Variants in IPCEF1 observed in about 807,000 individuals in gnomAD.
IPCEF1 encodes the protein interactor protein for cytohesin exchange factors 1.
A neutral mutation model predicts 50.9 loss-of-function variants in IPCEF1; 31 were observed. That is an observed-to-expected ratio of 0.61 (90% CI 0.46 to 0.82). IPCEF1 has a LOEUF of 0.82. Among genes scored for constraint, IPCEF1 ranks in the 40% least tolerant of loss-of-function variants. The probability of loss-of-function intolerance (pLI) is 0.00; values close to 1 mark genes in which losing one functional copy is unlikely to be tolerated. For synonymous variants in IPCEF1, 181 were observed against 192.0 expected (o/e 0.94, Z 0.47); for missense variants, 458 against 514.0 (o/e 0.89, Z 1.05).
chr6:154,170,351 G>A (rs1405821611), intron 10 of IPCEF1, among the ~76,000 whole-genome samples: 1 of 152,134 alleles, frequency 6.6e-6, no homozygotes, highest in Non-Finnish European at 1.5e-5. Flanking sequence ...CCATAGGGTG[G>A]AGAAAAGCAT....
At chr6:154,303,208 C>T (rs1292816893) in intron 1 of IPCEF1, among the ~76,000 whole-genome samples, 1 of 151,448 alleles carries the variant, frequency 6.6e-6, no homozygotes, top group Non-Finnish European at 1.5e-5. Context: ...TCTCCTGCCT[C>T]AGCCTCCTGA....
intron 10 of IPCEF1, among the ~76,000 whole-genome samples, chr6:154,181,670 G>C (rs1337268050): frequency 1.3e-5 from 2 of 152,144 alleles, no homozygotes; most frequent in East Asian, 3.9e-4. Flanking sequence ...TCCCCACCCG[G>C]AGCCTCTGCT....
At chr6:154,211,674 G>T (rs1777975365) in intron 9 of IPCEF1, among the ~76,000 whole-genome samples, 1 of 152,138 alleles carries the variant, frequency 6.6e-6, no homozygotes, top group South Asian at 2.1e-4. Flanking sequence ...AAGAACATGT[G>T]TTTACAAAGA....
intron 5 of IPCEF1, among the ~76,000 whole-genome samples, chr6:154,237,096 TAGA>T: frequency 6.6e-6 from 1 of 152,204 alleles, no homozygotes; most frequent in East Asian, 1.9e-4. Flanking sequence ...AGCTTGTCTG[TAGA>T]AGAAGCAGCT....
At position 154,299,437 on chromosome 6, in the gene IPCEF1, G is replaced by A. The variant is rs1470546529; in HGVS notation, c.-61-9681C>T. Among the ~76,000 whole-genome samples, 2 of 141,782 alleles carry A rather than the reference G, an allele frequency of 1.4e-5. 1 individual carries two copies. The highest frequency in any genetic ancestry group is 3.2e-5 in the Non-Finnish European group (2 of 63,132). The allele number at this position is 141,782 out of a possible 152,430, so 93.0% of individuals were successfully genotyped here. A position where few individuals can be genotyped will look rare whatever the true frequency, so the allele number is the denominator to read the frequency against. ...CATATATATCATGGAATACTACGCA[G>A]TCATAAAAAGGAATGAGATCATGTC... On this transcript the variant is annotated intron_variant, in intron 1 of 11. Coordinates refer to ENST00000367220, the MANE Select transcript of IPCEF1 (RefSeq NM_001130700.2).
intron 2 of IPCEF1, among the ~76,000 whole-genome samples, chr6:154,285,990 C>T (rs1378928994): frequency 6.6e-6 from 1 of 152,198 alleles, no homozygotes; most frequent in African/African-American, 2.4e-5. Flanking sequence ...TCACATAAAA[C>T]TTCACAATAT....
intron 7 of IPCEF1, among the ~76,000 whole-genome samples, chr6:154,218,769 C>G (rs927111714): frequency 6.6e-6 from 1 of 152,160 alleles, no homozygotes; most frequent in African/African-American, 2.4e-5. Flanking sequence ...CAGGCCCAGA[C>G]AAAATGGACC....
At chr6:154,181,002 G>C (rs1470972360) in intron 10 of IPCEF1, among the ~76,000 whole-genome samples, 1 of 152,038 alleles carries the variant, frequency 6.6e-6, no homozygotes, top group East Asian at 1.9e-4. Flanking sequence ...AGTCATTTGG[G>C]TATTTTGCAT....
Position 154,273,542 on chromosome 6 carries a change from T to C in IPCEF1, c.-17-7578A>G, listed in dbSNP as rs964168052. Among the ~76,000 whole-genome samples the C allele has an allele frequency of 7.2e-5, 11 of 152,182 alleles. 1 individual carries two copies. The South Asian group carries it at 2.3e-3, about 32-fold the overall frequency. On this transcript the variant is annotated intron_variant, in intron 2 of 11. Coordinates refer to ENST00000367220, the MANE Select transcript of IPCEF1 (RefSeq NM_001130700.2). Reference sequence around the variant, plus strand: ...GCCAATTAGTAGGAGATTTCACCTGTCAAGGCAAAGCAGGAGAGAAGGAAG... The same window carrying C: ...GCCAATTAGTAGGAGATTTCACCTGCCAAGGCAAAGCAGGAGAGAAGGAAG...
In IPCEF1 at chr6:154,160,177, C is replaced by G. The variant is rs532780584; in HGVS notation, c.1105-137G>C. The stretch of plus-strand genomic sequence containing the variant: ...ATTTTTGCACGTTAATGTTCTAATT[C>G]CAGCATTAAGCTTAAGAAATACGAC... On this transcript the variant is annotated intron_variant, in intron 11 of 11. Transcript: ENST00000367220. The G allele has an allele frequency of 1.4e-5, 10 of 694,250 alleles. 1 individual carries two copies. The Admixed American group carries it at 3.2e-4, about 22-fold the overall frequency. 43.0% of individuals were successfully genotyped at this position (694,250 alleles called of 1,614,324 possible). A position where few individuals can be genotyped will look rare whatever the true frequency, so the allele number is the denominator to read the frequency against.
At chr6:154,166,390 C>A (rs528705042) in intron 11 of IPCEF1, among the ~76,000 whole-genome samples, 1 of 152,330 alleles carries the variant, frequency 6.6e-6, no homozygotes, top group African/African-American at 2.4e-5. Flanking sequence ...ACTAATGACT[C>A]AAACTGCACA....
Position 154,263,857 on chromosome 6 carries a change from G to A in IPCEF1, c.36+2055C>T, listed in dbSNP as rs1209951439. ...GCGCCCCTCACCTCCCGGACGGGGC[G>A]GCTGGCCGGGCGGGGGGCTGACCCC... On this transcript the variant is annotated intron_variant, in intron 3 of 11. Coordinates refer to ENST00000367220, the MANE Select transcript of IPCEF1 (RefSeq NM_001130700.2). 4.4e-5 allele frequency among the ~76,000 whole-genome samples: 2 copies of A among 45,328 alleles called. 1 individual carries two copies. The highest frequency in any genetic ancestry group is 9.3e-5 in the Non-Finnish European group (2 of 21,524). 29.7% of individuals were successfully genotyped at this position (45,328 alleles called of 152,430 possible).
rs146117138 is a variant in IPCEF1, at chr6:154,209,250, T to C, written c.537+3520A>G. Among the ~76,000 whole-genome samples the C allele has an allele frequency of 1.9e-4, 29 of 152,356 alleles. No individual in the cohort carries two copies. The East Asian group carries it at 5.6e-3, about 29-fold the overall frequency. On this transcript the variant is annotated intron_variant, in intron 9 of 11. Transcript: ENST00000367220. ...AAGTACATCACCCAAAATAAAATTT[T>C]AACCAAAAACTTGGGGAAAAAAATA...
At chr6:154,178,165 G>A (rs924979895) in intron 10 of IPCEF1, among the ~76,000 whole-genome samples, 2 of 152,100 alleles carry the variant, frequency 1.3e-5, no homozygotes, top group Non-Finnish European at 2.9e-5. Flanking sequence ...GGGAGGGATA[G>A]CGTTAGGAGA....
chr6:154,173,862 CAT>C (rs1169196514), intron 10 of IPCEF1, among the ~76,000 whole-genome samples: 2 of 152,112 alleles, frequency 1.3e-5, no homozygotes, highest in East Asian at 1.9e-4. Flanking sequence ...CCCCAAGACA[CAT>C]AACTGTGAGA....
At chr6:154,286,393 C>T (rs1583947575) in intron 2 of IPCEF1, among the ~76,000 whole-genome samples, 1 of 152,098 alleles carries the variant, frequency 6.6e-6, no homozygotes, top group Non-Finnish European at 1.5e-5. Context: ...ATGTCTATAA[C>T]ATATTAGAGT....
intron 10 of IPCEF1, among the ~76,000 whole-genome samples, chr6:154,174,143 G>T (rs1293807152): frequency 6.6e-6 from 1 of 152,142 alleles, no homozygotes; most frequent in Non-Finnish European, 1.5e-5. Context: ...GTCACCACCA[G>T]GCCTGCCTTA....
intron 1 of IPCEF1, among the ~76,000 whole-genome samples, chr6:154,316,222 C>T (rs910277653): frequency 2.0e-5 from 3 of 152,104 alleles, no homozygotes; most frequent in African/African-American, 7.2e-5. Context: ...CATTATTGGC[C>T]CTCTCCTTCA....
intron 2 of IPCEF1, among the ~76,000 whole-genome samples, chr6:154,279,088 G>A (rs907236847): frequency 1.0e-4 from 15 of 148,976 alleles, no homozygotes; most frequent in Non-Finnish European, 7.4e-5. Flanking sequence ...TCGTGCCACC[G>A]CAAAAAAATC....
Sources: allele counts gnomAD v4.1 joint callset (sites outside exome capture counted in the v4.1 genomes callset), GRCh38; gene constraint gnomAD v4.1.1; transcripts MANE v1.5; gene names NCBI Gene and HGNC (gene_info 2026-07-23, HGNC 2026-07-21).